Variants in NARS2 observed in about 807,000 individuals in gnomAD.
NARS2 encodes asparaginyl-tRNA synthetase.
In NARS2, 60 loss-of-function variants were observed where a neutral mutation model predicts 62.9. The ratio of observed to expected loss-of-function variants is 0.95; its 90% CI spans 0.77 to 1.18. The LOEUF (loss-of-function observed/expected upper bound fraction) is 1.18. NARS2 is among the 50% of genes most tolerant of loss of function. The pLI is 0.00. For synonymous variants in NARS2, 196 were observed against 200.0 expected, an observed-to-expected ratio of 0.98 and a Z score of 0.17; for missense variants, 619 against 576.4, an observed-to-expected ratio of 1.07 and a Z score of -0.76.
intron 7 of NARS2, among the ~76,000 whole-genome samples, chr11:78,484,087 A>G (rs958174492): frequency 6.6e-6 from 1 of 152,186 alleles, no homozygotes; most frequent in Admixed American, 6.5e-5. Flanking sequence ...ATAACACCAC[A>G]CATCTACAAC....
intron 5 of NARS2, 34 bp downstream of exon 5, chr11:78,559,505 C>T: frequency 1.5e-6 from 2 of 1,320,264 alleles, no homozygotes; most frequent in Non-Finnish European, 2.2e-6. Context: ...TATTAAACAG[C>T]AATGTACCCC....
chr11:78,545,228 T>C (rs1023096079), intron 5 of NARS2, among the ~76,000 whole-genome samples: 5 of 152,180 alleles, frequency 3.3e-5, no homozygotes, highest in Non-Finnish European at 5.9e-5. Context: ...ATTATCTATA[T>C]TTGGGAAAGA....
At position 78,571,442 on chromosome 11, in the gene NARS2, T is replaced by A. The variant is rs1232125516; in HGVS notation, c.144A>T (p.Gly48=). The change falls in exon 2 of 14, where the codon GGA becomes GGT. Residue 48 remains glycine, a splice_region_variant and synonymous_variant. Transcript: ENST00000281038. The part of the protein sequence containing the change: ...NASGERIKIQ[G]WIRSVRSQKE... ...TCTGGGATCGGACAGAACGAATCCA[T>A]CCCTAAGGAAGAGAAATATTTCCAA... The A allele has an allele frequency of 6.2e-7, 1 of 1,604,488 alleles. No homozygotes were observed. The highest frequency in any genetic ancestry group is 8.5e-7 in the Non-Finnish European group (1 of 1,172,404).
intron 11 of NARS2, among the ~76,000 whole-genome samples, chr11:78,452,428 G>C (rs1858004415): frequency 1.3e-5 from 2 of 151,416 alleles, no homozygotes; most frequent in South Asian, 4.2e-4. Context: ...TTATTTTTGA[G>C]ACAGGGTCTC....
At chr11:78,574,322 A>C in intron 1 of NARS2, 26 bp downstream of exon 1, 2 of 1,614,082 alleles carry the variant, frequency 1.2e-6, no homozygotes, top group Middle Eastern at 1.6e-4. Context: ...TACAAGAAAA[A>C]ACCCACTCCC....
intron 6 of NARS2, among the ~76,000 whole-genome samples, chr11:78,497,850 G>A (rs563989119): frequency 2.6e-5 from 4 of 152,204 alleles, no homozygotes; most frequent in African/African-American, 9.6e-5. Context: ...GCCTTAGGGA[G>A]GGTGAATTCT....
chr11:78,461,494 T>C (rs138923346), intron 11 of NARS2, among the ~76,000 whole-genome samples: 1 of 146,950 alleles, frequency 6.8e-6, no homozygotes, highest in East Asian at 2.0e-4. Context: ...CTGGATTTAA[T>C]AACATGAAGA....
intron 11 of NARS2, among the ~76,000 whole-genome samples, chr11:78,460,958 G>A (rs1039623280): frequency 6.6e-6 from 1 of 152,094 alleles, no homozygotes; most frequent in Non-Finnish European, 1.5e-5. Flanking sequence ...TATTTACACA[G>A]CATTTACATT....
intron 6 of NARS2, among the ~76,000 whole-genome samples, chr11:78,511,079 T>C (rs773481518): frequency 1.3e-5 from 2 of 151,786 alleles, no homozygotes; most frequent in East Asian, 3.9e-4. Context: ...GTTACTGTGG[T>C]TGTTTTTTGT....
In NARS2 at chr11:78,438,159, T is replaced by A. The variant is rs186613544; in HGVS notation, c.1290-1345A>T. 2.2e-4 allele frequency among the ~76,000 whole-genome samples: 34 copies of A among 152,282 alleles called. No individual in the cohort carries two copies. In the East Asian group the frequency reaches 6.2e-3, roughly 28 times the overall value. Reference sequence around the variant, plus strand: ...CCCACCATTAATAATAATGGCTACATATACTGGTATTGCAAGGAGTTAAGT... The same window carrying A: ...CCCACCATTAATAATAATGGCTACAAATACTGGTATTGCAAGGAGTTAAGT... On this transcript the variant is annotated intron_variant, in intron 13 of 13. Coordinates refer to ENST00000281038, the MANE Select transcript of NARS2 (RefSeq NM_024678.6).
At chr11:78,551,851 C>CAA (rs200043365) in intron 5 of NARS2, among the ~76,000 whole-genome samples, 2 of 146,682 alleles carry the variant, frequency 1.4e-5, no homozygotes, top group African/African-American at 5.0e-5. Flanking sequence ...GACTTTGTCT[C>CAA]AAAAAAAAAC....
chr11:78,463,592 AG>A (rs1419979051), intron 11 of NARS2, among the ~76,000 whole-genome samples: 1 of 151,950 alleles, frequency 6.6e-6, no homozygotes. Context: ...AGGCTGAGGC[AG>A]GAAAATCACT....
At chr11:78,458,349 G>T (rs1282011060) in intron 11 of NARS2, among the ~76,000 whole-genome samples, 1 of 152,028 alleles carries the variant, frequency 6.6e-6, no homozygotes, top group Non-Finnish European at 1.5e-5. Flanking sequence ...CTAAAACACA[G>T]CTATCTACTT....
Position 78,571,451 on chromosome 11 carries a change from A to G in NARS2, c.142-7T>C. The G allele has an allele frequency of 2.5e-6, 4 of 1,594,634 alleles. No individual in the cohort carries two copies. The highest frequency in any genetic ancestry group is 3.4e-6 in the Non-Finnish European group (4 of 1,163,456). On this transcript the variant is annotated splice_polypyrimidine_tract_variant and splice_region_variant and intron_variant, in intron 1 of 13. Transcript: ENST00000281038. Reference sequence around the variant, plus strand: ...GGACAGAACGAATCCATCCCTAAGGAAGAGAAATATTTCCAATGTGAGCGT... The same window carrying G: ...GGACAGAACGAATCCATCCCTAAGGGAGAGAAATATTTCCAATGTGAGCGT...
At chr11:78,533,419 T>C (rs1861552752) in intron 5 of NARS2, 1 of 152,252 alleles carries the variant, frequency 6.6e-6, no homozygotes, top group African/African-American at 2.4e-5. Context: ...TTTGTAACCT[T>C]TTCTCTCATT....
At position 78,574,560 on chromosome 11, in the gene NARS2, C is replaced by A; in HGVS notation, c.-72G>T. ...TTCGAACCCCGCCTGCAGCGGCCCT[C>A]CTTTCTCAGCTGCTCCCCTTCCGCG... is the stretch of plus-strand genomic sequence containing the variant. On this transcript the variant is annotated 5_prime_UTR_variant, in exon 1 of 14. Coordinates refer to ENST00000281038, the MANE Select transcript of NARS2 (RefSeq NM_024678.6). 6.8e-7 allele frequency: 1 copy of A among 1,474,136 alleles called. No individual in the cohort carries two copies. The highest frequency in any genetic ancestry group is 9.0e-7 in the Non-Finnish European group (1 of 1,109,342). 91.3% of individuals were successfully genotyped at this position (1,474,136 alleles called of 1,614,324 possible).
chr11:78,529,727 T>C (rs567933092), intron 5 of NARS2, among the ~76,000 whole-genome samples: 1 of 152,360 alleles, frequency 6.6e-6, no homozygotes, highest in African/African-American at 2.4e-5. Context: ...GGTCTCATTA[T>C]GTTGCCCAGG....
intron 7 of NARS2, among the ~76,000 whole-genome samples, chr11:78,486,999 A>C (rs1859602631): frequency 6.6e-6 from 1 of 152,206 alleles, no homozygotes; most frequent in African/African-American, 2.4e-5. Context: ...AAGACAAAAG[A>C]AGAAAGAATT....
intron 6 of NARS2, among the ~76,000 whole-genome samples, chr11:78,512,545 T>C (rs547976194): frequency 1.2e-4 from 19 of 152,302 alleles, no homozygotes; most frequent in African/African-American, 3.8e-4. Context: ...TGTATTTTTA[T>C]AGATTAGGAA....
Sources: gnomAD v4.1 joint callset for allele counts (sites outside exome capture counted in the v4.1 genomes callset) on GRCh38, gnomAD v4.1.1 for gene constraint, MANE v1.5 for transcripts, NCBI Gene and HGNC (gene_info 2026-07-23, HGNC 2026-07-21) for gene names.